The following SUPT3H variants were observed in gnomAD, a reference collection of about 807,000 sequenced individuals.
SUPT3H encodes the protein transcription initiation protein SPT3 homolog.
Under a neutral mutation model 44.3 loss-of-function variants are expected in SUPT3H, and 44 were observed. The observed-to-expected ratio is 0.99, with a 90% CI of 0.78 to 1.28. The LOEUF (loss-of-function observed/expected upper bound fraction) is 1.28. Ranked by LOEUF, SUPT3H falls within the 50% of genes most tolerant of loss-of-function variation. SUPT3H has a pLI of 0.00. For missense variants in SUPT3H, 380 were observed against 387.1 expected, an observed-to-expected ratio of 0.98 and a Z score of 0.15; for synonymous variants, 124 against 125.6, an observed-to-expected ratio of 0.99 and a Z score of 0.09.
rs75537078 is a variant in SUPT3H at position 45,151,130 on chromosome 6, T to C, written c.102-45124A>G. 6.3e-3 allele frequency among the ~76,000 whole-genome samples: 959 copies of C among 152,310 alleles called. 16 individuals are homozygous for C. Among genetic ancestry groups the C allele is most frequent in the African/African-American group, 0.022 (904 of 41,570 alleles). On this transcript the variant is annotated intron_variant, in intron 2 of 10. Transcript: ENST00000371459. ...TGTTTCATACATATTTCTCCAACTA[T>C]AGCCTTTATGGCTATTTACAGGACA...
Position 44,841,937 on chromosome 6 carries a change from T to A in SUPT3H, c.913-12080A>T, listed in dbSNP as rs147657602. Among the ~76,000 whole-genome samples, 14 of 152,320 alleles carry A rather than the reference T, an allele frequency of 9.2e-5. 1 individual carries two copies. The South Asian group carries it at 1.9e-3, about 20-fold the overall frequency. On this transcript the variant is annotated intron_variant, in intron 10 of 10. Coordinates refer to ENST00000371459, the MANE Select transcript of SUPT3H (RefSeq NM_003599.4). ...CTTTCTAGTGAGGTATAAGATAGTC[T>A]CTGTATGTGTGTGTGTATATACACA...
intron 2 of SUPT3H, among the ~76,000 whole-genome samples, chr6:45,132,490 T>C (rs1432607003): frequency 2.0e-5 from 3 of 152,202 alleles, no homozygotes; most frequent in Admixed American, 2.0e-4. Flanking sequence ...TTCTGCTATC[T>C]TACATTTATC....
chr6:44,948,633 T>C (rs1409224211), intron 9 of SUPT3H, among the ~76,000 whole-genome samples: 1 of 152,074 alleles, frequency 6.6e-6, no homozygotes, highest in Non-Finnish European at 1.5e-5. Flanking sequence ...AAAAAACACA[T>C]GGAAAAATGC....
intron 3 of SUPT3H, among the ~76,000 whole-genome samples, chr6:45,053,198 C>A (rs1790576506): frequency 7.2e-6 from 1 of 139,456 alleles, no homozygotes; most frequent in South Asian, 2.4e-4. Context: ...CTGGGCCCAG[C>A]TTTTTTGTTT....
chr6:45,218,673 G>T (rs1241479492), intron 2 of SUPT3H, among the ~76,000 whole-genome samples: 1 of 152,228 alleles, frequency 6.6e-6, no homozygotes, highest in African/African-American at 2.4e-5. Flanking sequence ...GGCGGAGGTT[G>T]CGGTGAGCTG....
intron 3 of SUPT3H, among the ~76,000 whole-genome samples, chr6:45,070,694 C>T (rs1794228655): frequency 7.0e-6 from 1 of 143,244 alleles, no homozygotes; most frequent in East Asian, 2.0e-4. Flanking sequence ...GAGATTGCAC[C>T]ACTGCACTCC....
chr6:44,931,284 T>A (rs1770547016), intron 10 of SUPT3H, among the ~76,000 whole-genome samples: 1 of 152,204 alleles, frequency 6.6e-6, no homozygotes, highest in Admixed American at 6.5e-5. Context: ...CACTGCCTCT[T>A]TTTTCTTCTT....
chr6:45,199,589 T>A (rs947772657), intron 2 of SUPT3H, among the ~76,000 whole-genome samples: 1 of 151,342 alleles, frequency 6.6e-6, no homozygotes, highest in African/African-American at 2.4e-5. Flanking sequence ...CCAACCCCAC[T>A]AAATATAGAA....
At chr6:45,361,646 T>C (rs1027673545) in intron 2 of SUPT3H, 1 of 152,204 alleles carries the variant, frequency 6.6e-6, no homozygotes, top group Non-Finnish European at 1.5e-5. Context: ...AAAGGAGCTG[T>C]GATAAAGAGC....
At chr6:45,243,969 C>G (rs1309113901) in intron 2 of SUPT3H, among the ~76,000 whole-genome samples, 2 of 152,202 alleles carry the variant, frequency 1.3e-5, no homozygotes, top group Non-Finnish European at 2.9e-5. Context: ...GCAGCCTCAA[C>G]ATCTGGGCTC....
intron 10 of SUPT3H, among the ~76,000 whole-genome samples, chr6:44,871,124 C>T (rs1381433806): frequency 6.7e-6 from 1 of 150,348 alleles, no homozygotes; most frequent in Non-Finnish European, 1.5e-5. Flanking sequence ...AGCCGGGAAG[C>T]TCGAACTGGG....
At chr6:45,351,294 C>T (rs960364381) in intron 2 of SUPT3H, among the ~76,000 whole-genome samples, 22 of 152,180 alleles carry the variant, frequency 1.4e-4, no homozygotes, top group African/African-American at 5.3e-4. Flanking sequence ...CTACGCTATA[C>T]TAACCCATCA....
At chr6:45,043,329 CT>C (rs1241111537) in intron 3 of SUPT3H, among the ~76,000 whole-genome samples, 1 of 151,978 alleles carries the variant, frequency 6.6e-6, no homozygotes, top group Non-Finnish European at 1.5e-5. Flanking sequence ...TTTTTCCAAC[CT>C]TTATTTTAGT....
intron 2 of SUPT3H, among the ~76,000 whole-genome samples, chr6:45,161,094 C>T (rs1351959032): frequency 6.6e-6 from 1 of 152,128 alleles, no homozygotes; most frequent in East Asian, 1.9e-4. Context: ...CCTGCTCCCC[C>T]TTTACCTTCT....
At chr6:44,862,665 G>A in intron 10 of SUPT3H, among the ~76,000 whole-genome samples, 1 of 94,704 alleles carries the variant, frequency 1.1e-5, no homozygotes, top group Non-Finnish European at 2.0e-5. Context: ...GCAACAGAAT[G>A]AAACTCTGTA....
chr6:45,044,884 T>C lies in SUPT3H; in HGVS notation c.187-24252A>G, dbSNP rs78040462. On this transcript the variant is annotated intron_variant, in intron 3 of 10. Transcript: ENST00000371459. ...TAAGCATGCAAACTGGGATTTCAGT[T>C]AAAAAATAAAAATTATTTTAGTGTT... Among the ~76,000 whole-genome samples the C allele has an allele frequency of 3.1e-4, 47 of 152,276 alleles. 1 individual carries two copies. The East Asian group carries it at 9.1e-3, about 29-fold the overall frequency.
chr6:45,049,745 A>AT (rs1288602296), intron 3 of SUPT3H, among the ~76,000 whole-genome samples: 1 of 152,176 alleles, frequency 6.6e-6, no homozygotes, highest in Non-Finnish European at 1.5e-5. Flanking sequence ...ACTTTTTACT[A>AT]TATTTACCTC....
chr6:45,011,442 TG>T (rs1334203955), intron 5 of SUPT3H, among the ~76,000 whole-genome samples: 1 of 152,158 alleles, frequency 6.6e-6, no homozygotes, highest in African/African-American at 2.4e-5. Flanking sequence ...TTATATAGTT[TG>T]TTATATTAAC....
At chr6:44,968,336 G>A (rs1159287560) in intron 6 of SUPT3H, among the ~76,000 whole-genome samples, 1 of 152,128 alleles carries the variant, frequency 6.6e-6, no homozygotes, top group Non-Finnish European at 1.5e-5. Context: ...TATGTATAAC[G>A]TGGTCCACTT....
Sources: allele counts gnomAD v4.1 joint callset (sites outside exome capture counted in the v4.1 genomes callset), GRCh38; gene constraint gnomAD v4.1.1; transcripts MANE v1.5; gene names NCBI Gene and HGNC (gene_info 2026-07-23, HGNC 2026-07-21).